The following LRIG2 variants were observed in gnomAD, a reference collection of about 807,000 sequenced individuals.
LRIG2 encodes the protein leucine-rich repeats and immunoglobulin-like domains protein 2.
LRIG2 carries 93 observed loss-of-function variants against 107.8 expected under a neutral mutation model. The observed-to-expected ratio is 0.86, with a 90% confidence interval of 0.73 to 1.03. The LOEUF is 1.03. LRIG2 is among the 50% of genes least tolerant of loss of function. The probability of loss-of-function intolerance (pLI) is 0.00; values close to 1 mark genes in which losing one functional copy is unlikely to be tolerated. For synonymous variants in LRIG2, 471 were observed against 470.6 expected, an observed-to-expected ratio of 1.00 and a Z score of -0.01; for missense variants, 1,226 against 1,296.0, an observed-to-expected ratio of 0.95 and a Z score of 0.83.
In LRIG2 at chr1:113,129,210, C is replaced by G. The variant is rs1655606251; in HGVS notation, c.*5109C>G. The G allele has an allele frequency of 6.8e-6, 1 of 147,486 alleles. No individual in the cohort carries two copies. Among genetic ancestry groups the G allele is most frequent in the Non-Finnish European group, 1.5e-5 (1 of 67,492 alleles). 9.1% of individuals were successfully genotyped at this position (147,486 alleles called of 1,614,324 possible). On this transcript the variant is annotated 3_prime_UTR_variant, in exon 18 of 18. Coordinates refer to ENST00000361127, the MANE Select transcript of LRIG2 (RefSeq NM_014813.3). ...CCTGTAGTCCTAGCTGCTCGGGAGG[C>G]TAAGGCAGGAGAATCACTTGAACCT...
In LRIG2 at chr1:113,123,727, T is replaced by TTTTGTGTGTGTG. The variant is rs1437564600; in HGVS notation, c.2972-147_2972-146insTTGTGTGTGTGT. 6.7e-5 allele frequency: 40 copies of TTTTGTGTGTGTG among 597,088 alleles called. No individual in the cohort carries two copies. In the African/African-American group the frequency reaches 6.8e-4, roughly 10 times the overall value. 37.0% of individuals were successfully genotyped at this position (597,088 alleles called of 1,614,324 possible). On this transcript the variant is annotated intron_variant, in intron 17 of 17. Coordinates refer to ENST00000361127, the MANE Select transcript of LRIG2 (RefSeq NM_014813.3). ...AAAGACCATGTTCTGGTGGTGGTTT[T>TTTTGTGTGTGTG]TGTGTGTGTGTGTGTGTGTGTGTGT... is the stretch of plus-strand genomic sequence containing the variant.
chr1:113,120,994 ATCTT>A (rs1418849656), intron 17 of LRIG2, among the ~76,000 whole-genome samples: 1 of 150,434 alleles, frequency 6.6e-6, no homozygotes, highest in Non-Finnish European at 1.5e-5. Flanking sequence ...AATTTTTTGT[ATCTT>A]TATAAGATGG....
rs1225020136 is a variant in LRIG2 at position 113,098,737 on chromosome 1, T to C, written c.1124T>C (p.Ile375Thr). The part of the protein sequence containing the change: ...DLRNNEISWA[I>T]EDASEAFAGL... ...AGAAACAATGAAATTTCATGGGCCA[T>C]AGAAGATGCTAGTGAAGCCTTTGCT... Residue 375 changes from isoleucine to threonine, a missense_variant, in exon 9 of 18, where the codon ATA (isoleucine) becomes ACA (threonine). Coordinates refer to ENST00000361127, the MANE Select transcript of LRIG2 (RefSeq NM_014813.3). 1 of 1,612,832 alleles carries C rather than the reference T, an allele frequency of 6.2e-7. No homozygotes were observed. The highest frequency in any genetic ancestry group is 8.5e-7 in the Non-Finnish European group (1 of 1,179,044).
At chr1:113,083,859 G>T (rs1314002193) in intron 1 of LRIG2, among the ~76,000 whole-genome samples, 1 of 108,698 alleles carries the variant, frequency 9.2e-6, no homozygotes, top group Admixed American at 1.1e-4. Context: ...GTTGTGGGGT[G>T]GGGGGAGGGG....
chr1:113,076,823 T>C (rs1653000988), intron 1 of LRIG2, among the ~76,000 whole-genome samples: 1 of 152,230 alleles, frequency 6.6e-6, no homozygotes, highest in African/African-American at 2.4e-5. Flanking sequence ...TGAGAAACTC[T>C]CTAGAATATT....
chr1:113,101,382 ACT>A (rs58119626), intron 11 of LRIG2, among the ~76,000 whole-genome samples: 4,389 of 152,138 alleles, frequency 0.029, 201 homozygotes, highest in African/African-American at 0.097. Flanking sequence ...TTATTTTTAA[ACT>A]CTATTGATTC....
chr1:113,129,256 A>T lies in LRIG2; in HGVS notation c.*5155A>T, dbSNP rs1570787221. 1 of 143,972 alleles carries T rather than the reference A, an allele frequency of 6.9e-6. No individual in the cohort carries two copies. The highest frequency in any genetic ancestry group is 2.2e-4 in the East Asian group (1 of 4,604). The allele number at this position is 143,972 out of a possible 1,614,324, so 8.9% of individuals were successfully genotyped here. A position where few individuals can be genotyped will look rare whatever the true frequency, so the allele number is the denominator to read the frequency against. ...AACCTGGGAGGCAGAGGTTGCAGTG[A>T]GCCGAGATTGCACCACTGCACTCCA... On this transcript the variant is annotated 3_prime_UTR_variant, in exon 18 of 18. Coordinates refer to ENST00000361127, the MANE Select transcript of LRIG2 (RefSeq NM_014813.3).
At position 113,131,202 on chromosome 1, in the gene LRIG2, T is replaced by A. The variant is rs1265312927; in HGVS notation, c.*7101T>A. The A allele has an allele frequency of 6.6e-6, 1 of 152,328 alleles. No homozygotes were observed. The highest frequency in any genetic ancestry group is 2.4e-5 in the African/African-American group (1 of 41,452). The allele number at this position is 152,328 out of a possible 1,614,324, so 9.4% of individuals were successfully genotyped here. ...AACCCACCTTGGCCTCCCAAAGTGC[T>A]GGGATTACAGGCATGAGCCACTGTG... is the stretch of plus-strand genomic sequence containing the variant. On this transcript the variant is annotated 3_prime_UTR_variant, in exon 18 of 18. Transcript: ENST00000361127.
In LRIG2 at chr1:113,112,529, G is replaced by A; in HGVS notation, c.1849G>A (p.Ala617Thr). ...AATGGATCTGACTATTCGCACTGGT[G>A]CCATGGCCAGATTAGAATGTGCTGC... ...TPMDLTIRTG[A>T]MARLECAAEG... The change falls in exon 14 of 18, where the codon GCC becomes ACC. Residue 617 changes from alanine to threonine, a missense_variant. Physicochemically the swap from Ala to Thr is moderately conservative, Grantham distance 58. This residue lies in a region of LRIG2 where 642 missense variants were observed against 712.2 expected (regional missense o/e 0.90). Coordinates refer to ENST00000361127, the MANE Select transcript of LRIG2 (RefSeq NM_014813.3). The A allele has an allele frequency of 1.9e-6, 3 of 1,613,778 alleles. No homozygotes were observed. Among genetic ancestry groups the A allele is most frequent in the Non-Finnish European group, 2.5e-6 (3 of 1,179,724 alleles).
chr1:113,087,350 A>T lies in LRIG2; in HGVS notation c.240-3968A>T, dbSNP rs1050518298. On this transcript the variant is annotated intron_variant, in intron 1 of 17. Transcript: ENST00000361127. ...GTCTTCATTTATTTGTTTATTTTTA[A>T]TTTTTTAATTTTTTGGGGGATGGAG... Among the ~76,000 whole-genome samples, 4 of 152,166 alleles carry T rather than the reference A, an allele frequency of 2.6e-5. No individual in the cohort carries two copies. In the East Asian group the frequency reaches 7.7e-4, roughly 29 times the overall value.
intron 17 of LRIG2, among the ~76,000 whole-genome samples, chr1:113,121,173 C>G (rs1655236839): frequency 6.6e-6 from 1 of 152,102 alleles, no homozygotes; most frequent in Admixed American, 6.6e-5. Context: ...CATTTAATTT[C>G]AGCTTCACTT....
chr1:113,088,871 C>A (rs1246916128), intron 1 of LRIG2, among the ~76,000 whole-genome samples: 1 of 152,180 alleles, frequency 6.6e-6, no homozygotes, highest in Non-Finnish European at 1.5e-5. Context: ...GATGAAGTAT[C>A]TGAATATGAG....
rs149083239 is a variant in LRIG2, at chr1:113,116,320, A to C, written c.2564A>C (p.Tyr855Ser). The C allele has an allele frequency of 1.2e-6, 2 of 1,613,714 alleles. No individual in the cohort carries two copies. The highest frequency in any genetic ancestry group is 1.3e-5 in the African/African-American group (1 of 74,936). The change falls in exon 16 of 18, where the codon TAC becomes TCC. Residue 855 changes from tyrosine to serine, a missense_variant. Tyr to Ser is a moderately radical substitution (Grantham distance 144). This residue lies in a region of LRIG2 where 642 missense variants were observed against 712.2 expected (regional missense o/e 0.90). Coordinates refer to ENST00000361127, the MANE Select transcript of LRIG2 (RefSeq NM_014813.3). ...ELNLPADIPS[Y>S]LSSQGTLSEP... ...AATCTGCCTGCAGACATTCCCAGCT[A>C]CTTGTCTTCCCAAGGAACGCTGTCT...
rs541141705 is a variant in LRIG2, at chr1:113,086,492, C to T, written c.240-4826C>T. Among the ~76,000 whole-genome samples, 421 of 152,238 alleles carry T rather than the reference C, an allele frequency of 2.8e-3. 1 individual carries two copies. Among genetic ancestry groups the T allele is most frequent in the African/African-American group, 9.4e-3 (389 of 41,552 alleles). ...CTTTGTCAGAAGTTGCTGAAGTTCC[C>T]GGTTCAGCCTATTATTGCTGCATAT... On this transcript the variant is annotated intron_variant, in intron 1 of 17. Coordinates refer to ENST00000361127, the MANE Select transcript of LRIG2 (RefSeq NM_014813.3).
chr1:113,084,895 A>G (rs764210578), intron 1 of LRIG2, among the ~76,000 whole-genome samples: 41 of 152,234 alleles, frequency 2.7e-4, no homozygotes, highest in Admixed American at 6.5e-4. Flanking sequence ...AAATGACTCA[A>G]CACATTTATT....
At chr1:113,087,929 G>A (rs1653631137) in intron 1 of LRIG2, among the ~76,000 whole-genome samples, 1 of 152,188 alleles carries the variant, frequency 6.6e-6, no homozygotes, top group African/African-American at 2.4e-5. Flanking sequence ...GGTTACTAAA[G>A]TTGACAGTGC....
At chr1:113,101,832 C>T (rs1025599003) in intron 11 of LRIG2, among the ~76,000 whole-genome samples, 8 of 152,216 alleles carry the variant, frequency 5.3e-5, no homozygotes, top group Admixed American at 2.0e-4. Context: ...AATATTTATT[C>T]ATCATCTGCT....
chr1:113,073,721 C>A, intron 1 of LRIG2, 76 bp downstream of exon 1: 1 of 1,350,688 alleles, frequency 7.4e-7, no homozygotes, highest in Non-Finnish European at 1.0e-6. Flanking sequence ...AGGAGGGAGA[C>A]AGGCCTGGTC....
At chr1:113,118,668 GT>G (rs796930284) in intron 16 of LRIG2, among the ~76,000 whole-genome samples, 67 of 142,264 alleles carry the variant, frequency 4.7e-4, no homozygotes, top group Non-Finnish European at 5.1e-4. Flanking sequence ...GTATGACTTT[GT>G]TTTTTTTTTT....
Sources: allele counts gnomAD v4.1 joint callset (sites outside exome capture counted in the v4.1 genomes callset), GRCh38; gene constraint gnomAD v4.1.1; regional missense constraint gnomAD v4.1.1; transcripts MANE v1.5; gene names NCBI Gene and HGNC (gene_info 2026-07-23, HGNC 2026-07-21).